KAZN: variants seen among roughly 807,000 people sequenced by gnomAD.
KAZN encodes kazrin.
Under a neutral mutation model 87.4 loss-of-function variants are expected in KAZN, and 40 were observed. The ratio of observed to expected loss-of-function variants is 0.46; its 90% CI spans 0.36 to 0.60. The LOEUF is 0.60. Ranked by LOEUF, KAZN falls within the 20% of genes least tolerant of loss-of-function variation. KAZN has a pLI of 0.00. For synonymous variants in KAZN, 466 were observed against 458.3 expected (o/e 1.02, Z -0.22); for missense variants, 898 against 1,073.9 (o/e 0.84, Z 2.29).
chr1:14,535,604 T>C (rs1223982733), intron 2 of KAZN, among the ~76,000 whole-genome samples: 1 of 151,846 alleles, frequency 6.6e-6, no homozygotes, highest in Non-Finnish European at 1.5e-5. Flanking sequence ...AATAGGGGGT[T>C]GCAGTAAGCC....
chr1:14,340,553 T>C (rs1471873172), intron 2 of KAZN, among the ~76,000 whole-genome samples: 1 of 152,206 alleles, frequency 6.6e-6, no homozygotes, highest in South Asian at 2.1e-4. Flanking sequence ...TAAGGAAAAA[T>C]GTGTGTTTCA....
chr1:14,703,571 A>G (rs923242338), intron 1 of KAZN, among the ~76,000 whole-genome samples: 2 of 152,190 alleles, frequency 1.3e-5, no homozygotes, highest in African/African-American at 4.8e-5. Context: ...TTTCTTTTAT[A>G]AATTACCCAG....
chr1:14,142,587 C>A (rs1645263870), intron 1 of KAZN, among the ~76,000 whole-genome samples: 1 of 152,250 alleles, frequency 6.6e-6, no homozygotes, highest in African/African-American at 2.4e-5. Flanking sequence ...CCTGCCAAGA[C>A]TCCTGAGTGA....
chr1:14,975,607 G>A (rs929515326), intron 2 of KAZN, among the ~76,000 whole-genome samples: 1 of 152,118 alleles, frequency 6.6e-6, no homozygotes, highest in Admixed American at 6.5e-5. Flanking sequence ...TGGAATATTG[G>A]TATAGTCCAG....
At chr1:14,312,941 G>A (rs1218890021) in intron 2 of KAZN, among the ~76,000 whole-genome samples, 1 of 152,184 alleles carries the variant, frequency 6.6e-6, no homozygotes, top group Admixed American at 6.5e-5. Context: ...CTCTGGAACA[G>A]AGGACCCAGT....
At chr1:14,358,279 T>A (rs1248514238) in intron 2 of KAZN, among the ~76,000 whole-genome samples, 1 of 152,094 alleles carries the variant, frequency 6.6e-6, no homozygotes, top group South Asian at 2.1e-4. Context: ...CCTGTTTCAT[T>A]TCTTATTGTG....
intron 2 of KAZN, among the ~76,000 whole-genome samples, chr1:14,385,232 TATTA>T (rs1433220565): frequency 2.4e-4 from 36 of 152,350 alleles, no homozygotes; most frequent in Middle Eastern, 3.4e-3. Flanking sequence ...GCTAGCGGTC[TATTA>T]ATTTTGTTGA....
At chr1:14,863,370 A>G (rs1242797259) in intron 1 of KAZN, among the ~76,000 whole-genome samples, 1 of 152,188 alleles carries the variant, frequency 6.6e-6, no homozygotes, top group African/African-American at 2.4e-5. Context: ...GGGGGATGCC[A>G]GGTTTCTGCT....
rs1263249951 is a variant in KAZN, at chr1:14,912,883, C to T, written c.227-47801C>T. 3.9e-5 allele frequency among the ~76,000 whole-genome samples: 6 copies of T among 152,258 alleles called. No individual in the cohort carries two copies. In the East Asian group the frequency reaches 9.7e-4, roughly 25 times the overall value. On this transcript the variant is annotated intron_variant, in intron 1 of 14. Transcript: ENST00000376030. Reference sequence around the variant, plus strand: ...TCTCTCTTTTACCCTCGGTTTACTCCGTTTTAAAATGGGTATAAGAACAAA... The same window carrying T: ...TCTCTCTTTTACCCTCGGTTTACTCTGTTTTAAAATGGGTATAAGAACAAA...
At chr1:15,109,408 C>T (rs914502648) in intron 13 of KAZN, among the ~76,000 whole-genome samples, 29 of 152,240 alleles carry the variant, frequency 1.9e-4, no homozygotes, top group African/African-American at 6.5e-4. Context: ...TGGACTTTAT[C>T]GTACAGATGA....
intron 2 of KAZN, among the ~76,000 whole-genome samples, chr1:14,435,545 T>C (rs1466903109): frequency 6.6e-6 from 1 of 152,210 alleles, no homozygotes; most frequent in Non-Finnish European, 1.5e-5. Context: ...GGACGCTGTA[T>C]GGGCTGCCTC....
rs1032980653 is a variant in KAZN, at chr1:14,923,804, G to A, written c.227-36880G>A. Among the ~76,000 whole-genome samples, 23 of 152,346 alleles carry A rather than the reference G, an allele frequency of 1.5e-4. No individual in the cohort carries two copies. Among genetic ancestry groups the A allele is most frequent in the African/African-American group, 5.3e-4 (22 of 41,580 alleles). On this transcript the variant is annotated intron_variant, in intron 1 of 14. Transcript: ENST00000376030. This position sits in a 1 kb window ranked among gnomAD's most constrained non-coding sequence, Gnocchi z 4.2. The stretch of plus-strand genomic sequence containing the variant: ...GGGGACCTCGGCTCTCGGCAAGGCT[G>A]TCACAGGGTGTCAGGAGAGGAGAGA...
At chr1:14,860,838 A>C (rs1369957166) in intron 1 of KAZN, among the ~76,000 whole-genome samples, 1 of 152,232 alleles carries the variant, frequency 6.6e-6, no homozygotes, top group African/African-American at 2.4e-5. Flanking sequence ...CAGACCTAAA[A>C]TAAATTATTG....
chr1:14,922,532 C>A (rs533036332), intron 1 of KAZN, among the ~76,000 whole-genome samples: 13 of 151,992 alleles, frequency 8.6e-5, no homozygotes, highest in Non-Finnish European at 1.3e-4. Flanking sequence ...CGTCCTCTGG[C>A]GCAGTTAAAA....
intron 1 of KAZN, among the ~76,000 whole-genome samples, chr1:14,701,471 C>A (rs1374901985): frequency 6.6e-6 from 1 of 152,136 alleles, no homozygotes; most frequent in Non-Finnish European, 1.5e-5. Context: ...CCTGCACACA[C>A]TCTCCACCAG....
chr1:15,109,489 C>T (rs1641412427), intron 13 of KAZN, among the ~76,000 whole-genome samples: 1 of 152,184 alleles, frequency 6.6e-6, no homozygotes, highest in South Asian at 2.1e-4. Context: ...GCAGGAACTC[C>T]AACCACGTCT....
chr1:14,257,959 TA>T (rs1168366132), intron 2 of KAZN, among the ~76,000 whole-genome samples: 3,043 of 28,654 alleles, frequency 0.11, 113 homozygotes, highest in African/African-American at 0.25. Context: ...AAAAAAACAT[TA>T]AAAAAAAAAA....
chr1:14,386,142 CTTTT>C (rs1418187301), intron 2 of KAZN, among the ~76,000 whole-genome samples: 23 of 145,896 alleles, frequency 1.6e-4, no homozygotes, highest in South Asian at 2.3e-4. Context: ...CAACCCCTGC[CTTTT>C]TTTGTTTTCC....
intron 2 of KAZN, among the ~76,000 whole-genome samples, chr1:14,487,675 C>CG (rs1221327765): frequency 6.6e-6 from 1 of 152,178 alleles, no homozygotes; most frequent in Non-Finnish European, 1.5e-5. Context: ...TGAACCAATG[C>CG]GGGAATACCT....
Sources: gnomAD v4.1 joint callset for allele counts (sites outside exome capture counted in the v4.1 genomes callset) on GRCh38, gnomAD v4.1.1 for gene constraint, Gnocchi (gnomAD v3.1) non-coding constraint, MANE v1.5 for transcripts, NCBI Gene and HGNC (gene_info 2026-07-23, HGNC 2026-07-21) for gene names.